The following TRAPPC9 variants were observed in gnomAD, a reference collection of about 807,000 sequenced individuals.
TRAPPC9 encodes the protein IKK2 binding protein.
A neutral mutation model predicts 124.0 loss-of-function variants in TRAPPC9; 83 were observed. The observed-to-expected ratio is 0.67, with a 90% confidence interval of 0.56 to 0.80. The LOEUF (loss-of-function observed/expected upper bound fraction) is 0.80. Among genes scored for constraint, TRAPPC9 ranks in the 30% least tolerant of loss-of-function variants. TRAPPC9 has a pLI of 0.00. For missense variants in TRAPPC9, 1,302 were observed against 1,508.3 expected (o/e 0.86, Z 2.27); for synonymous variants, 638 against 617.5 (o/e 1.03, Z -0.49).
Position 139,857,987 on chromosome 8 carries a change from A to T in TRAPPC9, c.3055+27892T>A, listed in dbSNP as rs527886996. Among the ~76,000 whole-genome samples, 423 of 152,342 alleles carry T rather than the reference A, an allele frequency of 2.8e-3. 1 individual carries two copies. Among genetic ancestry groups the T allele is most frequent in the African/African-American group, 9.8e-3 (409 of 41,578 alleles). Reference sequence around the variant, plus strand: ...ACTGTGGATAAACATCTGGCAGTAGAAAGGAAGAGAAAGGAGGCTTCACCA... The same window carrying T: ...ACTGTGGATAAACATCTGGCAGTAGTAAGGAAGAGAAAGGAGGCTTCACCA... On this transcript the variant is annotated intron_variant, in intron 21 of 22. Transcript: ENST00000438773.
At chr8:140,341,102 C>T (rs1350331791) in intron 9 of TRAPPC9, among the ~76,000 whole-genome samples, 1 of 152,148 alleles carries the variant, frequency 6.6e-6, no homozygotes, top group East Asian at 1.9e-4. Context: ...TTTATTGAGC[C>T]TCTATGATTA....
chr8:140,221,523 C>A lies in TRAPPC9; in HGVS notation c.2492G>T (p.Arg831Leu). The change falls in exon 17 of 23, where the codon CGA becomes CTA. Residue 831 changes from arginine to leucine, a missense_variant. By Grantham distance (102) the Arg-to-Leu change is moderately radical (BLOSUM62 -2). Transcript: ENST00000438773. The part of the protein sequence containing the change: ...SSPFRQVVRP[R>L]VEGKPVNPPE... The stretch of plus-strand genomic sequence containing the variant: ...TGGGTTCACAGGTTTGCCCTCCACT[C>A]GGGGCCGAACGACCTGCCGAAAAGG... The A allele has an allele frequency of 6.2e-7, 1 of 1,614,152 alleles. No homozygotes were observed.
chr8:140,350,459 T>C (rs889942524), intron 9 of TRAPPC9, among the ~76,000 whole-genome samples: 2 of 152,184 alleles, frequency 1.3e-5, no homozygotes, highest in African/African-American at 4.8e-5. Flanking sequence ...GGCAAAGCGG[T>C]GTGCAGGTAA....
At chr8:139,797,804 C>A (rs898949362) in intron 21 of TRAPPC9, among the ~76,000 whole-genome samples, 1 of 152,148 alleles carries the variant, frequency 6.6e-6, no homozygotes, top group Admixed American at 6.5e-5. Flanking sequence ...AATCGCTTGG[C>A]CGTAAATGCA....
chr8:139,924,536 G>A (rs1398836041), intron 19 of TRAPPC9, among the ~76,000 whole-genome samples: 1 of 152,210 alleles, frequency 6.6e-6, no homozygotes, highest in Non-Finnish European at 1.5e-5. Context: ...CCATCATGCT[G>A]CCGGGCCCTG....
At chr8:140,379,217 A>C (rs527701652) in intron 7 of TRAPPC9, among the ~76,000 whole-genome samples, 10 of 152,088 alleles carry the variant, frequency 6.6e-5, no homozygotes, top group South Asian at 4.1e-4. Context: ...CTGGTGTCCG[A>C]GGCAGGCCTG....
chr8:139,949,958 T>A (rs981442226), intron 19 of TRAPPC9, among the ~76,000 whole-genome samples: 8 of 152,266 alleles, frequency 5.3e-5, no homozygotes, highest in African/African-American at 1.9e-4. Context: ...TGTTATTGAT[T>A]ATACATGTCT....
chr8:139,836,014 ATTTATTTT>A (rs1826320133), intron 21 of TRAPPC9, among the ~76,000 whole-genome samples: 1 of 105,832 alleles, frequency 9.4e-6, no homozygotes, highest in South Asian at 2.8e-4. Flanking sequence ...TTATTTATTT[ATTTATTTT>A]TTTTGAGACA....
chr8:140,126,285 C>T (rs765119540), intron 17 of TRAPPC9, among the ~76,000 whole-genome samples: 7 of 151,832 alleles, frequency 4.6e-5, no homozygotes, highest in Middle Eastern at 3.4e-3. Flanking sequence ...AGAGGAGACA[C>T]GGTGGGCCCC....
rs151314186 is a variant in TRAPPC9 at position 139,901,018 on chromosome 8, T to A, written c.2964+9129A>T. ...TAAATAAATAAAATAAATAAATAAA[T>A]AAAAATAAAATAAAAGTAAGTGCTA... On this transcript the variant is annotated intron_variant, in intron 20 of 22. Coordinates refer to ENST00000438773, the MANE Select transcript of TRAPPC9 (RefSeq NM_001160372.4). Among the ~76,000 whole-genome samples the A allele has an allele frequency of 5.3e-3, 807 of 151,242 alleles. 6 individuals carry two copies. Among genetic ancestry groups the A allele is most frequent in the Middle Eastern group, 0.017 (5 of 292 alleles).
At position 139,857,704 on chromosome 8, in the gene TRAPPC9, T is replaced by C. The variant is rs183937214; in HGVS notation, c.3055+28175A>G. ...CCTCCCTGCCTGGGCGGCCCGCTGC[T>C]TGTAAAGCAACTTGCTCACCAGGAA... On this transcript the variant is annotated intron_variant, in intron 21 of 22. Coordinates refer to ENST00000438773, the MANE Select transcript of TRAPPC9 (RefSeq NM_001160372.4). 3.0e-4 allele frequency among the ~76,000 whole-genome samples: 46 copies of C among 152,312 alleles called. No homozygotes were observed. The East Asian group carries it at 8.7e-3, about 29-fold the overall frequency.
At chr8:140,011,296 T>G (rs990844819) in intron 18 of TRAPPC9, among the ~76,000 whole-genome samples, 1 of 151,556 alleles carries the variant, frequency 6.6e-6, no homozygotes, top group African/African-American at 2.4e-5. Context: ...GAGCCAAGAT[T>G]GTACCACTGC....
chr8:140,123,240 C>T (rs916374406), intron 17 of TRAPPC9, among the ~76,000 whole-genome samples: 1 of 152,130 alleles, frequency 6.6e-6, no homozygotes, highest in Admixed American at 6.5e-5. Context: ...CATGACACCC[C>T]ACTCTCACCC....
chr8:140,233,347 G>T (rs2063648507), intron 16 of TRAPPC9, among the ~76,000 whole-genome samples: 1 of 152,020 alleles, frequency 6.6e-6, no homozygotes, highest in African/African-American at 2.4e-5. Context: ...TGGGATCACA[G>T]GCCTCTGCCA....
chr8:139,994,449 C>T (rs1396901575), intron 18 of TRAPPC9, among the ~76,000 whole-genome samples: 1 of 152,212 alleles, frequency 6.6e-6, no homozygotes, highest in African/African-American at 2.4e-5. Context: ...AGAGACTACC[C>T]ATAGCCACCC....
chr8:139,834,132 T>G (rs187933012), intron 21 of TRAPPC9, among the ~76,000 whole-genome samples: 153 of 152,278 alleles, frequency 1.0e-3, no homozygotes, highest in African/African-American at 3.4e-3. Flanking sequence ...GAGGTGAGGT[T>G]CTGTGTACCC....
intron 17 of TRAPPC9, among the ~76,000 whole-genome samples, chr8:140,218,651 G>A (rs1426373294): frequency 1.3e-5 from 2 of 151,966 alleles, no homozygotes; most frequent in South Asian, 2.1e-4. Context: ...CACATGTCCA[G>A]GGGTGTTGTC....
At chr8:140,021,993 G>A (rs901990028) in intron 18 of TRAPPC9, among the ~76,000 whole-genome samples, 6 of 152,322 alleles carry the variant, frequency 3.9e-5, no homozygotes, top group African/African-American at 1.2e-4. Flanking sequence ...CCCTTTACAC[G>A]AAGTATGGGA....
intron 17 of TRAPPC9, among the ~76,000 whole-genome samples, chr8:140,192,032 AG>A: frequency 6.6e-6 from 1 of 152,380 alleles, no homozygotes; most frequent in East Asian, 1.9e-4. Flanking sequence ...CCTGGCATAT[AG>A]CAAAAATTTG....
Sources: allele counts gnomAD v4.1 joint callset (sites outside exome capture counted in the v4.1 genomes callset), GRCh38; gene constraint gnomAD v4.1.1; transcripts MANE v1.5; gene names NCBI Gene and HGNC (gene_info 2026-07-23, HGNC 2026-07-21).